ANKS1B: variants seen among roughly 807,000 people sequenced by gnomAD.
ANKS1B encodes the protein ankyrin repeat and sterile alpha motif domain containing 1B, also known as ankyrin repeat and sterile alpha motif domain-containing protein 1B.
In ANKS1B, 36 loss-of-function variants were observed where a neutral mutation model predicts 148.3. That is an observed-to-expected ratio of 0.24 (90% CI 0.19 to 0.32). The LOEUF (loss-of-function observed/expected upper bound fraction) is 0.32. Among genes scored for constraint, ANKS1B ranks in the 10% least tolerant of loss-of-function variants. The probability of loss-of-function intolerance (pLI) is 1.00; values close to 1 mark genes in which losing one functional copy is unlikely to be tolerated. For missense variants in ANKS1B, 1,157 were observed against 1,542.6 expected, an observed-to-expected ratio of 0.75 and a Z score of 4.19; for synonymous variants, 542 against 560.8, an observed-to-expected ratio of 0.97 and a Z score of 0.47.
intron 25 of ANKS1B, among the ~76,000 whole-genome samples, chr12:98,757,941 T>TGTGTGTGTGTGTGTGTGCAC (rs1555259148): frequency 3.3e-5 from 5 of 150,860 alleles, no homozygotes; most frequent in Admixed American, 6.6e-5. Context: ...TGTGCACGTG[T>TGTGTGTGTGTGTGTGTGCAC]GTGTGTGTGT....
intron 17 of ANKS1B, among the ~76,000 whole-genome samples, chr12:99,023,253 CTCTT>C (rs139912065): frequency 0.02 from 3,019 of 152,184 alleles, 102 homozygotes; most frequent in African/African-American, 0.069. Context: ...TCACTACTGT[CTCTT>C]TCTTCTCACT....
chr12:99,821,061 AT>A (rs377363334), intron 2 of ANKS1B, among the ~76,000 whole-genome samples: 27 of 152,144 alleles, frequency 1.8e-4, no homozygotes, highest in African/African-American at 6.5e-4. Context: ...GAAATTCCCA[AT>A]TTCAGAACTG....
chr12:98,804,630 G>A (rs1271274975), intron 20 of ANKS1B, among the ~76,000 whole-genome samples: 1 of 152,188 alleles, frequency 6.6e-6, no homozygotes, highest in African/African-American at 2.4e-5. Flanking sequence ...AAAGAGTTCA[G>A]AGAACAAGGG....
At chr12:98,897,109 C>A (rs1301825183) in intron 17 of ANKS1B, among the ~76,000 whole-genome samples, 3 of 152,152 alleles carry the variant, frequency 2.0e-5, no homozygotes. Flanking sequence ...AATTCTCTGT[C>A]AGCTTTTCTA....
chr12:99,384,856 G>A (rs1016853879), intron 12 of ANKS1B, among the ~76,000 whole-genome samples: 7 of 151,974 alleles, frequency 4.6e-5, no homozygotes, highest in African/African-American at 1.5e-4. Flanking sequence ...TTGTGAGAGG[G>A]GAGCATGTCT....
chr12:99,470,880 T>C (rs1452207160), intron 10 of ANKS1B, among the ~76,000 whole-genome samples: 1 of 152,144 alleles, frequency 6.6e-6, no homozygotes, highest in Non-Finnish European at 1.5e-5. Flanking sequence ...TGTGACCACA[T>C]ATTCATCTTA....
chr12:98,919,889 C>A (rs966997782), intron 17 of ANKS1B, among the ~76,000 whole-genome samples: 2 of 152,138 alleles, frequency 1.3e-5, no homozygotes, highest in African/African-American at 2.4e-5. Flanking sequence ...GGGATACTCT[C>A]AAGAGTGACT....
At chr12:99,375,739 G>T (rs912519092) in intron 12 of ANKS1B, among the ~76,000 whole-genome samples, 24 of 151,738 alleles carry the variant, frequency 1.6e-4, no homozygotes, top group Non-Finnish European at 3.2e-4. Context: ...CTAACTCTTT[G>T]AACTTGAAAC....
intron 16 of ANKS1B, among the ~76,000 whole-genome samples, chr12:99,066,038 G>A (rs1222538417): frequency 6.6e-6 from 1 of 152,100 alleles, no homozygotes; most frequent in Non-Finnish European, 1.5e-5. Flanking sequence ...TGGATTGGCT[G>A]GGCACAGTGA....
intron 17 of ANKS1B, among the ~76,000 whole-genome samples, chr12:98,965,238 A>T (rs1268676762): frequency 6.6e-6 from 1 of 152,204 alleles, no homozygotes; most frequent in East Asian, 1.9e-4. Context: ...TTCCATTCTC[A>T]TGATTGCCTA....
intron 10 of ANKS1B, among the ~76,000 whole-genome samples, chr12:99,448,626 T>G (rs544873356): frequency 6.6e-6 from 1 of 152,262 alleles, no homozygotes; most frequent in East Asian, 1.9e-4. Context: ...ATCAGTTCAA[T>G]TTAGCTATTC....
chr12:98,836,146 T>C (rs904332433), intron 17 of ANKS1B, among the ~76,000 whole-genome samples: 1 of 152,186 alleles, frequency 6.6e-6, no homozygotes, highest in African/African-American at 2.4e-5. Context: ...TTAACCTCTA[T>C]ACCTTTTGAC....
At chr12:99,597,794 G>T (rs1204282562) in intron 9 of ANKS1B, among the ~76,000 whole-genome samples, 1 of 151,900 alleles carries the variant, frequency 6.6e-6, no homozygotes, top group East Asian at 1.9e-4. Flanking sequence ...TGGAGATCAA[G>T]GCACATGAAA....
chr12:99,693,655 C>T (rs2053460631), intron 8 of ANKS1B, among the ~76,000 whole-genome samples: 2 of 152,042 alleles, frequency 1.3e-5, no homozygotes, highest in Non-Finnish European at 2.9e-5. Flanking sequence ...TCATCATATA[C>T]ATGATGGCAA....
chr12:99,238,644 C>T (rs1466929114), intron 14 of ANKS1B, among the ~76,000 whole-genome samples: 1 of 152,200 alleles, frequency 6.6e-6, no homozygotes, highest in Admixed American at 6.5e-5. Flanking sequence ...GACTGGGAGA[C>T]ATCTCCCAGT....
chr12:99,333,854 G>GTTTTTTTTTGTTTT (rs2088106359), intron 12 of ANKS1B, among the ~76,000 whole-genome samples: 1 of 107,450 alleles, frequency 9.3e-6, no homozygotes, highest in East Asian at 2.3e-4. Context: ...CCAGTTCTCA[G>GTTTTTTTTTGTTTT]TTTTTTTTTT....
At chr12:98,903,316 A>G (rs376332234) in intron 17 of ANKS1B, among the ~76,000 whole-genome samples, 2 of 152,036 alleles carry the variant, frequency 1.3e-5, no homozygotes, top group East Asian at 3.9e-4. Context: ...TAGATAATCA[A>G]CCTTAAAAGA....
intron 9 of ANKS1B, among the ~76,000 whole-genome samples, chr12:99,558,343 T>G (rs893555576): frequency 6.6e-6 from 1 of 152,048 alleles, no homozygotes; most frequent in South Asian, 2.1e-4. Context: ...CAGGATAGCA[T>G]AGTGTGCTCA....
chr12:98,830,940 A>ATTCTTTTTTTTT (rs1566958832), intron 18 of ANKS1B: 1 of 45,528 alleles, frequency 2.2e-5, no homozygotes, highest in Non-Finnish European at 3.8e-5. Flanking sequence ...CTACCTCATA[A>ATTCTTTTTTTTT]TTTTTTTTTT....
Sources: allele counts gnomAD v4.1 joint callset (sites outside exome capture counted in the v4.1 genomes callset), GRCh38; gene constraint gnomAD v4.1.1; transcripts MANE v1.5; gene names NCBI Gene and HGNC (gene_info 2026-07-23, HGNC 2026-07-21).